EXTL3: variants seen among roughly 807,000 people sequenced by gnomAD.
EXTL3 encodes exostosin-like 3.
EXTL3 carries 27 observed loss-of-function variants against 69.3 expected under a neutral mutation model. That is an observed-to-expected ratio of 0.39 (90% CI 0.29 to 0.54). The LOEUF (loss-of-function observed/expected upper bound fraction) is 0.54. Ranked by LOEUF, EXTL3 falls within the 20% of genes least tolerant of loss-of-function variation. The probability of loss-of-function intolerance (pLI) is 0.69; values close to 1 mark genes in which losing one functional copy is unlikely to be tolerated. For synonymous variants in EXTL3, 511 were observed against 499.4 expected (o/e 1.02, Z -0.31); for missense variants, 1,003 against 1,231.8 (o/e 0.81, Z 2.78).
chr8:28,610,744 CTT>C (rs35188606), intron 2 of EXTL3, among the ~76,000 whole-genome samples: 56 of 138,016 alleles, frequency 4.1e-4, no homozygotes, highest in Admixed American at 5.8e-4. Context: ...AGATCTGTTT[CTT>C]TTTTTTTTTT....
chr8:28,653,308 C>T (rs1403377159), intron 1 of EXTL3, among the ~76,000 whole-genome samples: 1 of 152,162 alleles, frequency 6.6e-6, no homozygotes, highest in Admixed American at 6.5e-5. Flanking sequence ...TATTTTCTCC[C>T]ATTCTGTGGA....
intron 3 of EXTL3, among the ~76,000 whole-genome samples, chr8:28,729,961 A>G (rs1225335151): frequency 6.6e-6 from 1 of 152,142 alleles, no homozygotes; most frequent in Non-Finnish European, 1.5e-5. Flanking sequence ...ATAGTCTCCA[A>G]AGCCCTTCTA....
intron 6 of EXTL3, among the ~76,000 whole-genome samples, chr8:28,747,853 AC>A (rs1801922467): frequency 6.7e-6 from 1 of 149,052 alleles, no homozygotes; most frequent in Admixed American, 6.8e-5. Context: ...TTAAGCCTCC[AC>A]AGCAGCTGGG....
At chr8:28,622,852 C>G (rs1196927052) in intron 1 of EXTL3, 4 of 152,210 alleles carry the variant, frequency 2.6e-5, no homozygotes, top group Non-Finnish European at 5.9e-5. Flanking sequence ...GGTGGGAAGT[C>G]TTTTCTTCGT....
chr8:28,702,629 T>TA (rs1372027455), intron 1 of EXTL3, among the ~76,000 whole-genome samples: 5 of 135,822 alleles, frequency 3.7e-5, no homozygotes, highest in Non-Finnish European at 1.5e-5. Context: ...TTAAAAACTC[T>TA]AAAAGCTTCA....
intron 1 of EXTL3, among the ~76,000 whole-genome samples, chr8:28,643,507 C>G (rs909947979): frequency 2.6e-5 from 4 of 151,692 alleles, no homozygotes; most frequent in Non-Finnish European, 5.9e-5. Context: ...CTCTGCCTCC[C>G]GGGTTTACGC....
chr8:28,654,870 G>T (rs1421562064), intron 1 of EXTL3, among the ~76,000 whole-genome samples: 7 of 152,088 alleles, frequency 4.6e-5, no homozygotes, highest in Admixed American at 4.6e-4. Context: ...TCAGGTAATG[G>T]TGCCACATCA....
intron 1 of EXTL3, among the ~76,000 whole-genome samples, chr8:28,658,260 A>T (rs1304878579): frequency 2.0e-5 from 3 of 151,988 alleles, no homozygotes; most frequent in African/African-American, 7.3e-5. Flanking sequence ...TCAGCAGGGG[A>T]TATTTTTTCA....
chr8:28,737,492 T>G, intron 4 of EXTL3, 27 bp from the exon 5 acceptor site: 2 of 1,613,890 alleles, frequency 1.2e-6, no homozygotes, highest in Non-Finnish European at 1.7e-6. Flanking sequence ...TGTATTCAGG[T>G]CTGTGTATGC....
intron 1 of EXTL3, among the ~76,000 whole-genome samples, chr8:28,664,203 C>T (rs548671533): frequency 4.5e-4 from 69 of 152,306 alleles, no homozygotes; most frequent in Middle Eastern, 3.4e-3. Context: ...CAACAGCCGG[C>T]ATTTATTTTC....
chr8:28,660,671 T>C (rs1365795018), intron 1 of EXTL3, among the ~76,000 whole-genome samples: 1 of 152,014 alleles, frequency 6.6e-6, no homozygotes, highest in African/African-American at 2.4e-5. Context: ...CTTGTAAAAC[T>C]GAAACTCTGT....
intron 3 of EXTL3, among the ~76,000 whole-genome samples, chr8:28,730,007 G>A (rs746236565): frequency 1.3e-5 from 2 of 152,176 alleles, no homozygotes; most frequent in Non-Finnish European, 2.9e-5. Context: ...GTGCTAGAAT[G>A]AATTAATTGA....
chr8:28,669,350 C>G (rs1323229463), intron 1 of EXTL3, among the ~76,000 whole-genome samples: 1 of 152,256 alleles, frequency 6.6e-6, no homozygotes, highest in Non-Finnish European at 1.5e-5. Flanking sequence ...CAGTTACCTA[C>G]ATCAGTACTT....
intron 1 of EXTL3, among the ~76,000 whole-genome samples, chr8:28,680,959 C>A (rs1807477776): frequency 2.0e-5 from 3 of 152,016 alleles, no homozygotes; most frequent in Non-Finnish European, 4.4e-5. Flanking sequence ...CTCACTGCAA[C>A]CTCCGCCGCC....
chr8:28,643,664 A>C (rs1412297372), intron 1 of EXTL3, among the ~76,000 whole-genome samples: 2 of 151,812 alleles, frequency 1.3e-5, no homozygotes, highest in African/African-American at 2.4e-5. Flanking sequence ...GTGATCCACC[A>C]GCCTCAGCCT....
intron 1 of EXTL3, among the ~76,000 whole-genome samples, chr8:28,688,680 C>T (rs1800566008): frequency 6.6e-6 from 1 of 152,152 alleles, no homozygotes; most frequent in East Asian, 1.9e-4. Context: ...CTGAGTTATT[C>T]TCTTATTTTC....
intron 1 of EXTL3, among the ~76,000 whole-genome samples, chr8:28,633,217 A>G (rs536095485): frequency 6.6e-6 from 1 of 152,198 alleles, no homozygotes; most frequent in Non-Finnish European, 1.5e-5. Context: ...GCACGCCTGT[A>G]TTCACAGCTA....
At position 28,627,187 on chromosome 8, in the gene EXTL3, CA is replaced by C. The variant is rs565028159; in HGVS notation, c.-53+4389del. Among the ~76,000 whole-genome samples the C allele has an allele frequency of 1.4e-3, 184 of 133,458 alleles. 1 individual carries two copies. The South Asian group carries it at 0.024, about 18-fold the overall frequency. 87.6% of individuals were successfully genotyped at this position (133,458 alleles called of 152,430 possible). ...TGGGCGACAGAGCGAGACTCCATCT[CA>C]AAAAAAAAAAATTAAAAAAAATAAA... On this transcript the variant is annotated intron_variant, in intron 1 of 6. Coordinates refer to the EXTL3 transcript ENST00000523149.
chr8:28,680,745 A>G (rs989216113), intron 1 of EXTL3, among the ~76,000 whole-genome samples: 7 of 152,148 alleles, frequency 4.6e-5, no homozygotes, highest in African/African-American at 1.7e-4. Flanking sequence ...CCACCATTCT[A>G]TTCTCTACTT....
Sources: allele counts gnomAD v4.1 joint callset (sites outside exome capture counted in the v4.1 genomes callset), GRCh38; gene constraint gnomAD v4.1.1; transcripts MANE v1.5; gene names NCBI Gene and HGNC (gene_info 2026-07-23, HGNC 2026-07-21).